Variants in IL12RB2 observed in about 807,000 individuals in gnomAD.
IL12RB2 encodes the protein interleukin 12 receptor subunit beta 2.
IL12RB2 carries 82 observed loss-of-function variants against 89.4 expected under a neutral mutation model. The observed-to-expected ratio is 0.92, with a 90% confidence interval of 0.77 to 1.10. The LOEUF (loss-of-function observed/expected upper bound fraction) is 1.10. Ranked by LOEUF, IL12RB2 falls within the 50% of genes least tolerant of loss-of-function variation. IL12RB2 has a pLI of 0.00. For missense variants in IL12RB2, 963 were observed against 1,031.9 expected (o/e 0.93, Z 0.92); for synonymous variants, 368 against 370.1 (o/e 0.99, Z 0.07).
At chr1:67,333,982 A>G (rs1658436623) in intron 8 of IL12RB2, among the ~76,000 whole-genome samples, 1 of 152,236 alleles carries the variant, frequency 6.6e-6, no homozygotes, top group Non-Finnish European at 1.5e-5. Context: ...TATTACAGCT[A>G]ACAAAGGAAT....
chr1:67,390,757 G>A (rs1389858855), intron 16 of IL12RB2, among the ~76,000 whole-genome samples: 2 of 152,130 alleles, frequency 1.3e-5, no homozygotes, highest in Admixed American at 1.3e-4. Flanking sequence ...GGCCATCCCT[G>A]GTGGAGGGTC....
chr1:67,345,297 C>A (rs7518845), intron 9 of IL12RB2, among the ~76,000 whole-genome samples: 102,665 of 152,182 alleles, frequency 0.67, 38,387 homozygotes, highest in South Asian at 0.84. Context: ...ATGGAAAGAA[C>A]GAGAAGATAG....
At chr1:67,380,721 C>T (rs1404782764) in intron 14 of IL12RB2, among the ~76,000 whole-genome samples, 1 of 152,150 alleles carries the variant, frequency 6.6e-6, no homozygotes, top group Non-Finnish European at 1.5e-5. Flanking sequence ...TTGGTTCTTT[C>T]GGAGGGCTAT....
chr1:67,337,860 G>A (rs1383520078), intron 8 of IL12RB2, among the ~76,000 whole-genome samples: 4 of 143,494 alleles, frequency 2.8e-5, no homozygotes, highest in Admixed American at 1.4e-4. Flanking sequence ...TTTTCTATAT[G>A]AGTTGTATCT....
chr1:67,359,482 G>A (rs1368892121), intron 10 of IL12RB2, among the ~76,000 whole-genome samples: 3 of 152,148 alleles, frequency 2.0e-5, no homozygotes. Flanking sequence ...AGCACTTTGC[G>A]GGGCTGAGTC....
At chr1:67,374,622 T>C (rs530507751) in intron 13 of IL12RB2, among the ~76,000 whole-genome samples, 1 of 151,980 alleles carries the variant, frequency 6.6e-6, no homozygotes, top group East Asian at 1.9e-4. Flanking sequence ...ATTACAGACA[T>C]GTACCACCAT....
chr1:67,320,077 C>T (rs927923604), intron 2 of IL12RB2, among the ~76,000 whole-genome samples: 1 of 152,168 alleles, frequency 6.6e-6, no homozygotes, highest in African/African-American at 2.4e-5. Context: ...TTTGTTACAG[C>T]AGCCCAAATG....
chr1:67,335,723 T>G (rs1017992858), intron 8 of IL12RB2, among the ~76,000 whole-genome samples: 1 of 152,198 alleles, frequency 6.6e-6, no homozygotes, highest in African/African-American at 2.4e-5. Flanking sequence ...TCTGTGACAG[T>G]TGAATGTCAA....
intron 13 of IL12RB2, among the ~76,000 whole-genome samples, chr1:67,379,509 CAAAAAAAAAAAA>C (rs58494224): frequency 1.5e-5 from 1 of 68,492 alleles, no homozygotes. Context: ...GAACCTGTCT[CAAAAAAAAAAAA>C]AAAAAAAAAA....
Position 67,338,680 on chromosome 1 carries a change from C to G in IL12RB2, c.1015C>G (p.Gln339Glu). 1 of 1,525,652 alleles carries G rather than the reference C, an allele frequency of 6.6e-7. No individual in the cohort carries two copies. Among genetic ancestry groups the G allele is most frequent in the Non-Finnish European group, 9.1e-7 (1 of 1,099,358 alleles). The allele number at this position is 1,525,652 out of a possible 1,614,324, so 94.5% of individuals were successfully genotyped here. The part of the protein sequence containing the change: ...YMKRHIDYSR[Q>E]QISLFWKNLS... ...GAAACGGCACATTGACTACAGTAGA[C>G]AACAGATTTCTCTTTTCTGGAAGGT... Residue 339 changes from glutamine (Q) to glutamate (E), a missense_variant, in exon 9 of 17, where the codon CAA becomes GAA. Coordinates refer to ENST00000674203, the MANE Select transcript of IL12RB2 (RefSeq NM_001374259.2).
chr1:67,342,851 C>G (rs1659813499), intron 9 of IL12RB2, among the ~76,000 whole-genome samples: 4 of 124,982 alleles, frequency 3.2e-5, no homozygotes, highest in Admixed American at 2.6e-4. Flanking sequence ...CCTTCACCTC[C>G]TATGCTCAAG....
intron 9 of IL12RB2, among the ~76,000 whole-genome samples, chr1:67,340,146 T>C (rs1659358152): frequency 6.6e-6 from 1 of 152,202 alleles, no homozygotes; most frequent in Non-Finnish European, 1.5e-5. Context: ...TTCTCCTCCC[T>C]GTCTCTCTCA....
At chr1:67,310,207 A>G (rs1212649335) in intron 1 of IL12RB2, among the ~76,000 whole-genome samples, 3 of 151,320 alleles carry the variant, frequency 2.0e-5, no homozygotes, top group Non-Finnish European at 4.4e-5. Context: ...AAAAAAAAAA[A>G]AAGCCAAATC....
At chr1:67,320,269 G>A in intron 2 of IL12RB2, 64 bp from the exon 3 acceptor site, 2 of 1,605,952 alleles carry the variant, frequency 1.2e-6, no homozygotes, top group Admixed American at 1.7e-5. Flanking sequence ...GCTCTTCTGA[G>A]CTATTTTGGC....
At chr1:67,369,470 C>T (rs942537268) in intron 11 of IL12RB2, among the ~76,000 whole-genome samples, 2 of 152,202 alleles carry the variant, frequency 1.3e-5, no homozygotes, top group South Asian at 2.1e-4. Context: ...ATGGGACAAT[C>T]GATTACCTCT....
chr1:67,337,072 T>G (rs1391128419), intron 8 of IL12RB2, among the ~76,000 whole-genome samples: 2 of 152,130 alleles, frequency 1.3e-5, no homozygotes, highest in African/African-American at 4.8e-5. Flanking sequence ...GCTCTGAAGC[T>G]CACACTGACT....
intron 9 of IL12RB2, among the ~76,000 whole-genome samples, chr1:67,344,094 G>A (rs970403717): frequency 7.9e-5 from 12 of 152,116 alleles, no homozygotes; most frequent in African/African-American, 2.9e-4. Context: ...TGATGGTTGA[G>A]CTCGCCTAGT....
intron 4 of IL12RB2, among the ~76,000 whole-genome samples, chr1:67,323,186 C>A (rs1379134602): frequency 6.6e-6 from 1 of 152,158 alleles, no homozygotes; most frequent in Non-Finnish European, 1.5e-5. Context: ...TGGAGGGCCA[C>A]CAGAAGCACG....
Position 67,330,731 on chromosome 1 carries a change from G to T in IL12RB2, c.879G>T (p.Gln293His). 6.5e-7 allele frequency: 1 copy of T among 1,532,460 alleles called. No homozygotes were observed. Among genetic ancestry groups the T allele is most frequent in the Non-Finnish European group, 9.0e-7 (1 of 1,105,782 alleles). The allele number at this position is 1,532,460 out of a possible 1,614,324, so 94.9% of individuals were successfully genotyped here. The change falls in exon 8 of 17, where the codon CAG (glutamine) becomes CAT (histidine). Residue 293 changes from glutamine to histidine, a missense_variant. Physicochemically the swap from Gln to His is conservative, Grantham distance 24. Coordinates refer to ENST00000674203, the MANE Select transcript of IL12RB2 (RefSeq NM_001374259.2). Reference sequence around the variant, plus strand: ...AACCATTTACAGAATATGAATTTCAGATTTCCTCTAAGCTACATCTTTATA... The same window carrying T: ...AACCATTTACAGAATATGAATTTCATATTTCCTCTAAGCTACATCTTTATA... Reference protein sequence around the residue: ...DLKPFTEYEFQISSKLHLYKG... With the variant: ...DLKPFTEYEFHISSKLHLYKG...
Sources: gnomAD v4.1 joint callset for allele counts (sites outside exome capture counted in the v4.1 genomes callset) on GRCh38, gnomAD v4.1.1 for gene constraint, MANE v1.5 for transcripts, NCBI Gene and HGNC (gene_info 2026-07-23, HGNC 2026-07-21) for gene names.